Variants in MAP3K6 observed in about 807,000 individuals in gnomAD.
MAP3K6 encodes apoptosis signal-regulating kinase 2.
A neutral mutation model predicts 147.1 loss-of-function variants in MAP3K6; 105 were observed. The ratio of observed to expected loss-of-function variants is 0.71; its 90% confidence interval spans 0.61 to 0.84. The LOEUF (loss-of-function observed/expected upper bound fraction) is 0.84. MAP3K6 is among the 40% of genes least tolerant of loss of function. The pLI is 0.00. For synonymous variants in MAP3K6, 695 were observed against 732.4 expected, an observed-to-expected ratio of 0.95 and a Z score of 0.82; for missense variants, 1,569 against 1,715.0, an observed-to-expected ratio of 0.91 and a Z score of 1.50.
chr1:27,355,290 A>C lies in MAP3K6; in HGVS notation c.*101T>G, dbSNP rs1365830362. ...GGGCCCCACTCGCCTGGCTTCCTCC[A>C]GTCGCCCCAGGTCCTGGGGCTGGTG... On this transcript the variant is annotated 3_prime_UTR_variant, in exon 29 of 29. Coordinates refer to ENST00000357582, the MANE Select transcript of MAP3K6 (RefSeq NM_004672.5). 8.8e-7 allele frequency: 1 copy of C among 1,134,952 alleles called. No individual in the cohort carries two copies. Among genetic ancestry groups the C allele is most frequent in the Non-Finnish European group, 1.3e-6 (1 of 743,602 alleles). The allele number at this position is 1,134,952 out of a possible 1,614,324, so 70.3% of individuals were successfully genotyped here. A position where few individuals can be genotyped will look rare whatever the true frequency, so the allele number is the denominator to read the frequency against.
In MAP3K6 at chr1:27,363,518, T is replaced by C. The variant is rs768866574; in HGVS notation, c.895A>G (p.Thr299Ala). The change falls in exon 6 of 29, where the codon ACG becomes GCG. Residue 299 changes from threonine to alanine, a missense_variant. By Grantham distance (58) the Thr-to-Ala change is moderately conservative. Coordinates refer to ENST00000357582, the MANE Select transcript of MAP3K6 (RefSeq NM_004672.5). ...TCACAGGTGGGCAAGGCCTGCAGCG[T>C]CTCCACCAGCTCAATGATGGCCGAG... ...DYSAIIELVETLQALPTCDVA... is the reference protein window; with the variant it reads ...DYSAIIELVEALQALPTCDVA... 1 of 1,613,004 alleles carries C rather than the reference T, an allele frequency of 6.2e-7. No homozygotes were observed. The highest frequency in any genetic ancestry group is 1.7e-5 in the Admixed American group (1 of 59,882).
chr1:27,356,795 T>G, intron 24 of MAP3K6, 46 bp from the exon 25 acceptor site: 1 of 1,525,094 alleles, frequency 6.6e-7, no homozygotes, highest in Non-Finnish European at 8.8e-7. Flanking sequence ...AACGCCCGTT[T>G]GGGAACCCCA....
chr1:27,360,647 C>T lies in MAP3K6; in HGVS notation c.2054+58G>A, dbSNP rs1347880116. On this transcript the variant is annotated intron_variant, in intron 15 of 28. Coordinates refer to ENST00000357582, the MANE Select transcript of MAP3K6 (RefSeq NM_004672.5). This position sits in a 1 kb window ranked among gnomAD's most constrained non-coding sequence, Gnocchi z 4.5. ...CCCACAGGAGCCGCTCCGCTCGTGG[C>T]CCGGCTCACTCGGCCCTCGCGAGCC... The T allele has an allele frequency of 6.4e-6, 10 of 1,562,526 alleles. No homozygotes were observed. Among genetic ancestry groups the T allele is most frequent in the South Asian group, 2.3e-5 (2 of 85,566 alleles).
chr1:27,360,217 T>C lies in MAP3K6; in HGVS notation c.2182+24A>G, dbSNP rs751843975. Reference sequence around the variant, plus strand: ...CCCATGCTTCACACCTCGGTTTCATTCCCATCCCACACAGGGCAGGTACCT... The same window carrying C: ...CCCATGCTTCACACCTCGGTTTCATCCCCATCCCACACAGGGCAGGTACCT... On this transcript the variant is annotated intron_variant, in intron 16 of 28. Coordinates refer to ENST00000357582, the MANE Select transcript of MAP3K6 (RefSeq NM_004672.5). The surrounding 1 kb of genome is among the most constrained non-coding windows in gnomAD (Gnocchi z 4.5). 1.2e-6 allele frequency: 2 copies of C among 1,612,920 alleles called. No individual in the cohort carries two copies. Among genetic ancestry groups the C allele is most frequent in the South Asian group, 2.2e-5 (2 of 90,992 alleles).
intron 23 of MAP3K6, 57 bp downstream of exon 23, chr1:27,357,343 C>G: frequency 6.5e-7 from 1 of 1,549,144 alleles, no homozygotes; most frequent in Non-Finnish European, 8.7e-7. Context: ...CCTCACCAGG[C>G]ACGGGGAACT....
In MAP3K6 at chr1:27,359,402, C is replaced by T; in HGVS notation, c.2425+15G>A. 1 of 1,614,074 alleles carries T rather than the reference C, an allele frequency of 6.2e-7. No individual in the cohort carries two copies. The highest frequency in any genetic ancestry group is 8.5e-7 in the Non-Finnish European group (1 of 1,179,986). ...CAGGTCAGCATCCCCACTCACCACC[C>T]CCACACCTTGTTACCTGTGAAGGTC... On this transcript the variant is annotated intron_variant, in intron 18 of 28. Transcript: ENST00000357582. The surrounding 1 kb of genome is among the most constrained non-coding windows in gnomAD (Gnocchi z 4.4).
chr1:27,355,718 T>G lies in MAP3K6; in HGVS notation c.3739A>C (p.Thr1247Pro), dbSNP rs767117230. 33 of 1,612,964 alleles carry G rather than the reference T, an allele frequency of 2.0e-5. No individual in the cohort carries two copies. The highest frequency in any genetic ancestry group is 1.2e-4 in the Admixed American group (7 of 59,912). The change falls in exon 28 of 29, where the codon ACT (threonine) becomes CCT (proline). Residue 1247 changes from threonine (T) to proline (P), a missense_variant. Coordinates refer to ENST00000357582, the MANE Select transcript of MAP3K6 (RefSeq NM_004672.5). ...TCTCGAGTGGCATAGGTGAGCAGAG[T>G]GTGGAGGGTGAAGCTATGGTTCAAC... ...MLLNHSFTLHTLLTYATRDDL... is the reference protein window; with the variant it reads ...MLLNHSFTLHPLLTYATRDDL...
Position 27,366,194 on chromosome 1 carries a change from G to T in MAP3K6, c.340+64C>A. On this transcript the variant is annotated intron_variant, in intron 1 of 28. Transcript: ENST00000357582. The surrounding 1 kb of genome is among the most constrained non-coding windows in gnomAD (Gnocchi z 5.5). ...GCCCCTCCCTTGAGCCTTCGAGCCC[G>T]GCTTGGTCCCCTCCCAGGACCCTGA... The T allele has an allele frequency of 7.9e-7, 1 of 1,258,240 alleles. No individual in the cohort carries two copies. Among genetic ancestry groups the T allele is most frequent in the Admixed American group, 4.2e-5 (1 of 23,682 alleles). 77.9% of individuals were successfully genotyped at this position (1,258,240 alleles called of 1,614,324 possible).
At position 27,359,481 on chromosome 1, in the gene MAP3K6, C is replaced by A. The variant is rs2015662020; in HGVS notation, c.2361G>T (p.Lys787Asn). ...VLINTFSGLL[K>N]ISDFGTSKRL... ...GCTTGGAGGTGCCGAAGTCAGAAAT[C>A]TTGAGCAGCCCACTGAAGGTGTTGA... Residue 787 changes from lysine (K) to asparagine (N), a missense_variant, in exon 18 of 29, where the codon AAG (lysine) becomes AAT (asparagine). By Grantham distance (94) the Lys-to-Asn change is moderately conservative (BLOSUM62 0). Coordinates refer to ENST00000357582, the MANE Select transcript of MAP3K6 (RefSeq NM_004672.5). The surrounding 1 kb of genome is among the most constrained non-coding windows in gnomAD (Gnocchi z 4.4). 1 of 1,614,166 alleles carries A rather than the reference C, an allele frequency of 6.2e-7. No individual in the cohort carries two copies. Among genetic ancestry groups the A allele is most frequent in the Non-Finnish European group, 8.5e-7 (1 of 1,180,022 alleles).
rs574486043 is a variant in MAP3K6, at chr1:27,363,379, G to A, written c.971+63C>T. On this transcript the variant is annotated intron_variant, in intron 6 of 28. Transcript: ENST00000357582. ...ATCCCAGACAGCAATGGCTTTGCACGCAGAGACCTAGGTTTCGGAAACCTT... is the reference window on the plus strand; with the variant it reads ...ATCCCAGACAGCAATGGCTTTGCACACAGAGACCTAGGTTTCGGAAACCTT... 2.6e-5 allele frequency: 36 copies of A among 1,376,020 alleles called. No individual in the cohort carries two copies. The Admixed American group carries it at 5.1e-4, about 19-fold the overall frequency. 85.2% of individuals were successfully genotyped at this position (1,376,020 alleles called of 1,614,324 possible).
Position 27,366,246 on chromosome 1 carries a change from C to T in MAP3K6, c.340+12G>A, listed in dbSNP as rs1360093161. On this transcript the variant is annotated intron_variant, in intron 1 of 28. Coordinates refer to ENST00000357582, the MANE Select transcript of MAP3K6 (RefSeq NM_004672.5). The surrounding 1 kb of genome is among the most constrained non-coding windows in gnomAD (Gnocchi z 5.5). ...TCCCGCCCGGATCCGGCCCCGCCCC[C>T]AGCGCTCTCACCCGCGTTGTAGAAG... 9 of 1,311,854 alleles carry T rather than the reference C, an allele frequency of 6.9e-6. No homozygotes were observed. Among genetic ancestry groups the T allele is most frequent in the African/African-American group, 1.5e-5 (1 of 64,998 alleles). 81.3% of individuals were successfully genotyped at this position (1,311,854 alleles called of 1,614,324 possible).
chr1:27,362,251 C>T lies in MAP3K6; in HGVS notation c.1256-1G>A, dbSNP rs149614649. The T allele has an allele frequency of 6.2e-7, 1 of 1,608,444 alleles. No homozygotes were observed. The highest frequency in any genetic ancestry group is 1.3e-5 in the African/African-American group (1 of 74,886). On this transcript the variant is annotated splice_acceptor_variant, in intron 8 of 28. Coordinates refer to ENST00000357582, the MANE Select transcript of MAP3K6 (RefSeq NM_004672.5). LOFTEE classifies it high-confidence loss of function. ...GCCAGCAGGCAGCCCAGCTTCATGC[C>T]TGGGGGAGAGAGGCATGGGCTCCAG...
Position 27,364,862 on chromosome 1 carries a change from A to G in MAP3K6, c.391T>C (p.Tyr131His), listed in dbSNP as rs1335224196. ...AAGCTCTCACGCACACCAAGGTGGT[A>G]GAACAGGGAGGGCTGTACCAGCGAG... Reference protein sequence around the residue: ...SSSLVQPSLFYHLGVRESFSM... With the variant: ...SSSLVQPSLFHHLGVRESFSM... Residue 131 changes from tyrosine to histidine, a missense_variant, in exon 2 of 29, where the codon TAC becomes CAC. Coordinates refer to ENST00000357582, the MANE Select transcript of MAP3K6 (RefSeq NM_004672.5). The surrounding 1 kb of genome is among the most constrained non-coding windows in gnomAD (Gnocchi z 4.4). The G allele has an allele frequency of 1.2e-6, 2 of 1,611,586 alleles. No homozygotes were observed. Among genetic ancestry groups the G allele is most frequent in the African/African-American group, 1.3e-5 (1 of 74,890 alleles).
At position 27,366,458 on chromosome 1, in the gene MAP3K6, A is replaced by C; in HGVS notation, c.140T>G (p.Val47Gly). ...CGGCTCCCGGGTCAGCACGTAGACC[A>C]CGCTGAGCGGCCGGCTCCGCGCGCA... ...RGCARSRPLS[V>G]VYVLTREPQP... Residue 47 changes from valine (V) to glycine (G), a missense_variant, in exon 1 of 29, where the codon GTG becomes GGG. Coordinates refer to ENST00000357582, the MANE Select transcript of MAP3K6 (RefSeq NM_004672.5). This position sits in a 1 kb window ranked among gnomAD's most constrained non-coding sequence, Gnocchi z 5.5. The C allele has an allele frequency of 2.6e-6, 3 of 1,143,658 alleles. No homozygotes were observed. Among genetic ancestry groups the C allele is most frequent in the Non-Finnish European group, 3.2e-6 (3 of 934,218 alleles). The allele number at this position is 1,143,658 out of a possible 1,614,324, so 70.8% of individuals were successfully genotyped here. A position where few individuals can be genotyped will look rare whatever the true frequency, so the allele number is the denominator to read the frequency against.
Position 27,359,642 on chromosome 1 carries a change from C to A in MAP3K6, c.2320-120G>T. On this transcript the variant is annotated intron_variant, in intron 17 of 28. Coordinates refer to ENST00000357582, the MANE Select transcript of MAP3K6 (RefSeq NM_004672.5). The surrounding 1 kb of genome is among the most constrained non-coding windows in gnomAD (Gnocchi z 4.4). ...GTCCTGCCTCTGTCAACACTCTCCC[C>A]TTGCCATCCCACTTATATGCCCCTC... 1.4e-6 allele frequency: 2 copies of A among 1,470,798 alleles called. No individual in the cohort carries two copies. Among genetic ancestry groups the A allele is most frequent in the Admixed American group, 2.0e-5 (1 of 50,526 alleles). The allele number at this position is 1,470,798 out of a possible 1,614,324, so 91.1% of individuals were successfully genotyped here.
chr1:27,358,022 A>G lies in MAP3K6; in HGVS notation c.2916-146T>C. ...AAACCCCGCACTGAGAGGACACAAC[A>G]AGTCCAAGTTAGAGTTGCCAGAACA... On this transcript the variant is annotated intron_variant, in intron 21 of 28. Transcript: ENST00000357582. The surrounding 1 kb of genome is among the most constrained non-coding windows in gnomAD (Gnocchi z 6.2). The G allele has an allele frequency of 1.4e-6, 2 of 1,480,810 alleles. No individual in the cohort carries two copies. The highest frequency in any genetic ancestry group is 2.8e-5 in the South Asian group (2 of 71,948). The allele number at this position is 1,480,810 out of a possible 1,614,324, so 91.7% of individuals were successfully genotyped here.
rs1476701089 is a variant in MAP3K6, at chr1:27,359,107, C to T, written c.2426-241G>A. Among the ~76,000 whole-genome samples the T allele has an allele frequency of 6.6e-6, 1 of 152,192 alleles. No homozygotes were observed. Among genetic ancestry groups the T allele is most frequent in the Non-Finnish European group, 1.5e-5 (1 of 68,032 alleles). On this transcript the variant is annotated intron_variant, in intron 18 of 28. Transcript: ENST00000357582. The surrounding 1 kb of genome is among the most constrained non-coding windows in gnomAD (Gnocchi z 4.4). ...GCTCCACCACATTCACAGACTCCAT[C>T]ACCCACAGTAGTGCTCCAGCACACA...
At position 27,364,014 on chromosome 1, in the gene MAP3K6, C is replaced by T. The variant is rs771814936; in HGVS notation, c.767G>A (p.Arg256Gln). ...ARERFSGPQL[R>Q]QELARLQRRL... ...CCGCTGCAGGCGAGCCAGCTCCTGCCGCAGCTGTGGCCCACTGAACCGCTC... is the reference window on the plus strand; with the variant it reads ...CCGCTGCAGGCGAGCCAGCTCCTGCTGCAGCTGTGGCCCACTGAACCGCTC... The change falls in exon 5 of 29, where the codon CGG becomes CAG. Residue 256 changes from arginine (R) to glutamine (Q), a missense_variant. Arg to Gln is a conservative substitution (Grantham distance 43). Transcript: ENST00000357582. The surrounding 1 kb of genome is among the most constrained non-coding windows in gnomAD (Gnocchi z 4.4). The T allele has an allele frequency of 9.9e-6, 16 of 1,612,404 alleles. No individual in the cohort carries two copies. Among genetic ancestry groups the T allele is most frequent in the Admixed American group, 8.3e-5 (5 of 59,996 alleles).
In MAP3K6 at chr1:27,364,454, G is replaced by A; in HGVS notation, c.505-60C>T. The A allele has an allele frequency of 6.3e-7, 1 of 1,590,266 alleles. No homozygotes were observed. The highest frequency in any genetic ancestry group is 8.6e-7 in the Non-Finnish European group (1 of 1,160,358). On this transcript the variant is annotated intron_variant, in intron 3 of 28. Transcript: ENST00000357582. The surrounding 1 kb of genome is among the most constrained non-coding windows in gnomAD (Gnocchi z 4.4). ...AGGTCAGCACAGGGCTAGACAAGGG[G>A]AGTGAGAGCATCAAAGGTCAGCATC...
Sources: gnomAD v4.1 joint callset for allele counts (sites outside exome capture counted in the v4.1 genomes callset) on GRCh38, gnomAD v4.1.1 for gene constraint, Gnocchi (gnomAD v3.1) non-coding constraint, MANE v1.5 for transcripts, NCBI Gene and HGNC (gene_info 2026-07-23, HGNC 2026-07-21) for gene names.